Variants in HADHB observed in about 807,000 individuals in gnomAD.
The protein encoded by HADHB is trifunctional enzyme subunit beta, mitochondrial.
HADHB carries 50 observed loss-of-function variants against 61.9 expected under a neutral mutation model. The observed-to-expected ratio is 0.81, with a 90% CI of 0.64 to 1.02. HADHB has a LOEUF of 1.02. Among genes scored for constraint, HADHB ranks in the 50% least tolerant of loss-of-function variants. HADHB has a pLI of 0.00. For synonymous variants in HADHB, 191 were observed against 201.6 expected, an observed-to-expected ratio of 0.95 and a Z score of 0.45; for missense variants, 504 against 586.5, an observed-to-expected ratio of 0.86 and a Z score of 1.45.
At chr2:26,283,327 A>G (rs1051114670) in intron 12 of HADHB, among the ~76,000 whole-genome samples, 1 of 152,158 alleles carries the variant, frequency 6.6e-6, no homozygotes, top group Non-Finnish European at 1.5e-5. Flanking sequence ...GATTGAGACC[A>G]TCCTGGCTAA....
chr2:26,272,996 C>A (rs1434899848), intron 5 of HADHB, among the ~76,000 whole-genome samples: 1 of 151,758 alleles, frequency 6.6e-6, no homozygotes, highest in East Asian at 1.9e-4. Context: ...GGTGAGAGAA[C>A]CACTTAAACC....
chr2:26,289,253 TAATA>T (rs1349888642), intron 15 of HADHB, among the ~76,000 whole-genome samples: 3 of 151,934 alleles, frequency 2.0e-5, no homozygotes, highest in Non-Finnish European at 4.4e-5. Context: ...GTCTCCAAAA[TAATA>T]AATAAAAAAA....
At chr2:26,287,576 A>G (rs1357269372) in intron 15 of HADHB, among the ~76,000 whole-genome samples, 1 of 152,248 alleles carries the variant, frequency 6.6e-6, no homozygotes, top group East Asian at 1.9e-4. Flanking sequence ...AACAAGGAAT[A>G]ATACCTAGCA....
intron 1 of HADHB, among the ~76,000 whole-genome samples, chr2:26,251,750 G>A (rs981244337): frequency 3.9e-5 from 6 of 152,088 alleles, no homozygotes; most frequent in Non-Finnish European, 7.4e-5. Context: ...CACATGTTTG[G>A]AACATGTTTT....
chr2:26,260,909 C>T (rs1671834087), intron 3 of HADHB: 1 of 725,394 alleles, frequency 1.4e-6, no homozygotes, highest in African/African-American at 1.7e-5. Flanking sequence ...AGTTTACCAT[C>T]AACCTGTTCT....
In HADHB at chr2:26,278,368, A is replaced by G. The variant is rs553639247; in HGVS notation, c.443-246A>G. Among the ~76,000 whole-genome samples the G allele has an allele frequency of 2.0e-5, 3 of 152,394 alleles. No individual in the cohort carries two copies. In the East Asian group the frequency reaches 5.8e-4, roughly 29 times the overall value. ...ATATGATTTGTTCAAGAGTTGGTCCAATGGATATTCCTAGAAGTTGACGTC... is the reference window on the plus strand; with the variant it reads ...ATATGATTTGTTCAAGAGTTGGTCCGATGGATATTCCTAGAAGTTGACGTC... On this transcript the variant is annotated intron_variant, in intron 7 of 15. Coordinates refer to ENST00000317799, the MANE Select transcript of HADHB (RefSeq NM_000183.3).
At chr2:26,279,877 G>A (rs891425161) in intron 9 of HADHB, 117 bp from the exon 10 acceptor site, 1 of 745,252 alleles carries the variant, frequency 1.3e-6, no homozygotes, top group African/African-American at 1.8e-5. Flanking sequence ...TTTCCTTCTA[G>A]TGAATAGGTA....
chr2:26,260,375 C>G (rs1233440134), intron 3 of HADHB, among the ~76,000 whole-genome samples: 3 of 152,180 alleles, frequency 2.0e-5, no homozygotes, highest in Admixed American at 2.0e-4. Context: ...GCCAGCACGC[C>G]TGGCTTGGTT....
chr2:26,281,640 C>T (rs1672792854), intron 10 of HADHB, among the ~76,000 whole-genome samples: 1 of 152,212 alleles, frequency 6.6e-6, no homozygotes, highest in Admixed American at 6.5e-5. Context: ...CATCACAATA[C>T]ATGGATTTTG....
Position 26,273,737 on chromosome 2 carries a change from A to G in HADHB, c.341A>G (p.Asn114Ser), listed in dbSNP as rs146328300. The change falls in exon 6 of 16, where the codon AAT becomes AGT. Residue 114 changes from asparagine to serine, a missense_variant. Asn to Ser is a conservative substitution (Grantham distance 46). Coordinates refer to ENST00000317799, the MANE Select transcript of HADHB (RefSeq NM_000183.3). ...GTTATTCAGGAAGTGAAAACAAGCA[A>G]TGTGGCTAGAGAGGTGAGTAAAACA... Reference protein sequence around the residue: ...GTVIQEVKTSNVAREAALGAG... With the variant: ...GTVIQEVKTSSVAREAALGAG... The G allele has an allele frequency of 2.5e-5, 40 of 1,578,344 alleles. No individual in the cohort carries two copies. Among genetic ancestry groups the G allele is most frequent in the Non-Finnish European group, 3.0e-5 (35 of 1,147,608 alleles).
intron 1 of HADHB, among the ~76,000 whole-genome samples, chr2:26,247,175 C>T (rs1009245471): frequency 6.6e-5 from 10 of 152,196 alleles, no homozygotes; most frequent in African/African-American, 2.4e-4. Context: ...CAGGTGCCTG[C>T]AGCTTCGTGT....
intron 12 of HADHB, 48 bp from the exon 13 acceptor site, chr2:26,284,063 AGCTCTT>A: frequency 2.1e-6 from 2 of 933,342 alleles, no homozygotes; most frequent in Non-Finnish European, 3.6e-6. Flanking sequence ...AATATGAAGG[AGCTCTT>A]AGTTTAAAAA....
intron 3 of HADHB, among the ~76,000 whole-genome samples, chr2:26,255,217 A>C (rs1671557686): frequency 6.6e-6 from 1 of 152,072 alleles, no homozygotes; most frequent in African/African-American, 2.4e-5. Flanking sequence ...AATACCTTCC[A>C]GGCTGGGTGC....
At chr2:26,246,853 C>T (rs1671185265) in intron 1 of HADHB, among the ~76,000 whole-genome samples, 1 of 152,296 alleles carries the variant, frequency 6.6e-6, no homozygotes, top group East Asian at 1.9e-4. Context: ...GGAAACAGTA[C>T]ATTTGTATCA....
intron 3 of HADHB, among the ~76,000 whole-genome samples, chr2:26,258,015 C>G (rs1251935198): frequency 1.3e-5 from 2 of 150,756 alleles, no homozygotes; most frequent in Non-Finnish European, 3.0e-5. Context: ...AAGACTCTGT[C>G]TCAAAAAAAA....
chr2:26,284,250 A>C, intron 13 of HADHB, 46 bp downstream of exon 13: 1 of 1,010,638 alleles, frequency 9.9e-7, no homozygotes, highest in Non-Finnish European at 1.6e-6. Flanking sequence ...AGTCATAAAA[A>C]ATGTCATCCA....
chr2:26,266,643 G>C (rs1377739655), intron 4 of HADHB, among the ~76,000 whole-genome samples: 2 of 151,960 alleles, frequency 1.3e-5, no homozygotes, highest in African/African-American at 4.8e-5. Context: ...ACTTTGGGAG[G>C]CTGAGGCGGG....
intron 6 of HADHB, 61 bp from the exon 7 acceptor site, chr2:26,277,012 G>T: frequency 6.0e-6 from 5 of 838,396 alleles, no homozygotes; most frequent in South Asian, 5.3e-5. Flanking sequence ...AGTGCTCAAA[G>T]CATCATTTAC....
chr2:26,268,064 C>T (rs1672171883), intron 4 of HADHB, among the ~76,000 whole-genome samples: 2 of 152,104 alleles, frequency 1.3e-5, no homozygotes, highest in South Asian at 4.2e-4. Flanking sequence ...ATTGCTTGAG[C>T]CCATGAGTTT....
Sources: gnomAD v4.1 joint callset for allele counts (sites outside exome capture counted in the v4.1 genomes callset) on GRCh38, gnomAD v4.1.1 for gene constraint, MANE v1.5 for transcripts, NCBI Gene and HGNC (gene_info 2026-07-23, HGNC 2026-07-21) for gene names.